Variants in DTWD1 observed in about 807,000 individuals in gnomAD.
DTWD1 encodes the protein tRNA-uridine aminocarboxypropyltransferase 1.
Under a neutral mutation model 30.2 loss-of-function variants are expected in DTWD1, and 27 were observed. That is an observed-to-expected ratio of 0.90 (90% CI 0.66 to 1.23). DTWD1 has a LOEUF of 1.23. DTWD1 is among the 50% of genes most tolerant of loss of function. The pLI, the probability that DTWD1 is intolerant of heterozygous loss-of-function variation, is 0.00. For synonymous variants in DTWD1, 99 were observed against 113.1 expected, an observed-to-expected ratio of 0.88 and a Z score of 0.79; for missense variants, 342 against 348.8, an observed-to-expected ratio of 0.98 and a Z score of 0.15.
At chr15:49,628,634 T>C (rs2078876702) in intron 2 of DTWD1, among the ~76,000 whole-genome samples, 1 of 152,192 alleles carries the variant, frequency 6.6e-6, no homozygotes, top group Non-Finnish European at 1.5e-5. Context: ...TTGATAAACT[T>C]GGGCAGAAGG....
intron 4 of DTWD1, among the ~76,000 whole-genome samples, chr15:49,642,892 T>C (rs1386255640): frequency 2.0e-5 from 3 of 152,160 alleles, no homozygotes; most frequent in Admixed American, 6.6e-5. Flanking sequence ...ACTGCTGCAG[T>C]CTAGCCTGGG....
chr15:49,626,834 A>T (rs778478880), intron 2 of DTWD1: 1 of 423,516 alleles, frequency 2.4e-6, no homozygotes, highest in Non-Finnish European at 4.9e-6. Context: ...GCCAAGAATA[A>T]GTAAGTGTGG....
rs2153355204 is a variant in DTWD1 at position 49,655,086 on chromosome 15, G to A, written c.*11508G>A. 2.6e-5 allele frequency: 4 copies of A among 152,124 alleles called. No individual in the cohort carries two copies. The highest frequency in any genetic ancestry group is 2.6e-4 in the Admixed American group (4 of 15,248). The allele number at this position is 152,124 out of a possible 1,614,324, so 9.4% of individuals were successfully genotyped here. ...CCCAAAGTCCTCACCTCCAAATCTA[G>A]CACATTGAGGTTTAGGGCTTCAACA... On this transcript the variant is annotated 3_prime_UTR_variant, in exon 5 of 5. Transcript: ENST00000403028.
chr15:49,639,609 T>C (rs1481255654), intron 4 of DTWD1, among the ~76,000 whole-genome samples: 2 of 152,184 alleles, frequency 1.3e-5, no homozygotes, highest in African/African-American at 4.8e-5. Context: ...ATAAAGTTAC[T>C]GATTGTTAGA....
intron 4 of DTWD1, 133 bp downstream of exon 4, chr15:49,634,927 C>G: frequency 2.6e-6 from 2 of 783,938 alleles, no homozygotes; most frequent in South Asian, 2.8e-5. Context: ...TTATTTCTCT[C>G]TTTTTATTAT....
In DTWD1 at chr15:49,644,904, C is replaced by G. The variant is rs138784124; in HGVS notation, c.*1326C>G. ...TTTATTACACTCTTCTCAAATGTCC[C>G]CACTTGAAATAGCCTTCTATTTCTT... On this transcript the variant is annotated 3_prime_UTR_variant, in exon 5 of 5. Transcript: ENST00000403028. 553 of 152,224 alleles carry G rather than the reference C, an allele frequency of 3.6e-3. 4 individuals carry two copies. The highest frequency in any genetic ancestry group is 0.013 in the African/African-American group (524 of 41,538). 9.4% of individuals were successfully genotyped at this position (152,224 alleles called of 1,614,324 possible). A position where few individuals can be genotyped will look rare whatever the true frequency, so the allele number is the denominator to read the frequency against.
In DTWD1 at chr15:49,632,307, G is replaced by A; in HGVS notation, c.408+5G>A. 1 of 1,572,714 alleles carries A rather than the reference G, an allele frequency of 6.4e-7. No individual in the cohort carries two copies. The highest frequency in any genetic ancestry group is 8.6e-7 in the Non-Finnish European group (1 of 1,169,566). ...TATGAAGAAAAGGACCATGAAGTAG[G>A]CAACTTAGTTTTTATAACTCTTCAC... is the stretch of plus-strand genomic sequence containing the variant. On this transcript the variant is annotated splice_donor_5th_base_variant and intron_variant, in intron 3 of 4. Transcript: ENST00000403028.
chr15:49,633,199 T>C (rs2078954708), intron 3 of DTWD1, among the ~76,000 whole-genome samples: 1 of 151,770 alleles, frequency 6.6e-6, no homozygotes, highest in Non-Finnish European at 1.5e-5. Flanking sequence ...AATGTAGTGC[T>C]ATGTTCTGTA....
chr15:49,622,942 T>C (rs1598636147), intron 1 of DTWD1, among the ~76,000 whole-genome samples: 1 of 152,250 alleles, frequency 6.6e-6, no homozygotes, highest in African/African-American at 2.4e-5. Flanking sequence ...GCTTCACTAA[T>C]ATCCATTTAG....
chr15:49,637,409 T>G (rs1299258321), intron 4 of DTWD1, among the ~76,000 whole-genome samples: 1 of 152,150 alleles, frequency 6.6e-6, no homozygotes, highest in African/African-American at 2.4e-5. Flanking sequence ...ATCAATTGTT[T>G]TTCTAAGAAG....
rs770157478 is a variant in DTWD1, at chr15:49,634,523, T to G, written c.409-13T>G. ...ATAGTAGCACACTGCTAACCCAATT[T>G]TCTTTGTTTTAGGTTGCACTCATTT... On this transcript the variant is annotated splice_polypyrimidine_tract_variant and intron_variant, in intron 3 of 4. Coordinates refer to ENST00000403028, the MANE Select transcript of DTWD1 (RefSeq NM_001144955.2). The G allele has an allele frequency of 6.3e-7, 1 of 1,589,324 alleles. No homozygotes were observed. The highest frequency in any genetic ancestry group is 8.5e-7 in the Non-Finnish European group (1 of 1,170,894).
intron 4 of DTWD1, 25 bp downstream of exon 4, chr15:49,634,819 C>A: frequency 6.5e-7 from 1 of 1,540,300 alleles, no homozygotes; most frequent in Non-Finnish European, 8.7e-7. Flanking sequence ...TTTTTTTGGA[C>A]TGCTCCTCCC....
chr15:49,627,070 TATAATA>T (rs981765963), intron 2 of DTWD1, among the ~76,000 whole-genome samples: 7 of 152,066 alleles, frequency 4.6e-5, no homozygotes, highest in Non-Finnish European at 8.8e-5. Context: ...GATTGCATAT[TATAATA>T]ATAATAATCA....
chr15:49,629,683 A>C (rs747436501), intron 2 of DTWD1: 1 of 152,220 alleles, frequency 6.6e-6, no homozygotes, highest in Non-Finnish European at 1.5e-5. Context: ...GTGTTCAGCC[A>C]GAAGTAGACT....
In DTWD1 at chr15:49,643,756, C is replaced by A; in HGVS notation, c.*178C>A. ...GGAAATTGTATCTGGGGGAATTTTT[C>A]AGAGATACTGTTGATTGAAAAACTT... On this transcript the variant is annotated 3_prime_UTR_variant, in exon 5 of 5. Coordinates refer to ENST00000403028, the MANE Select transcript of DTWD1 (RefSeq NM_001144955.2). The A allele has an allele frequency of 1.6e-6, 1 of 611,256 alleles. No homozygotes were observed. Among genetic ancestry groups the A allele is most frequent in the Non-Finnish European group, 2.5e-6 (1 of 408,114 alleles). The allele number at this position is 611,256 out of a possible 1,614,324, so 37.9% of individuals were successfully genotyped here.
rs2079131930 is a variant in DTWD1, at chr15:49,648,182, A to G, written c.*4604A>G. Reference sequence around the variant, plus strand: ...ACAAAAAATAATGAGCATTAGGTAGATGGAATGAAAGTCTATTCATACACT... The same window carrying G: ...ACAAAAAATAATGAGCATTAGGTAGGTGGAATGAAAGTCTATTCATACACT... On this transcript the variant is annotated 3_prime_UTR_variant, in exon 5 of 5. Transcript: ENST00000403028. The G allele has an allele frequency of 6.6e-6, 1 of 152,224 alleles. No homozygotes were observed. Among genetic ancestry groups the G allele is most frequent in the South Asian group, 2.1e-4 (1 of 4,832 alleles). The allele number at this position is 152,224 out of a possible 1,614,324, so 9.4% of individuals were successfully genotyped here.
Position 49,652,664 on chromosome 15 carries a change from C to T in DTWD1, c.*9086C>T, listed in dbSNP as rs951655947. ...ACTGTAATTTGTCCCACTAATCTCCCATCTTCTAAATTTCTGAGAGGTCAA... is the reference window on the plus strand; with the variant it reads ...ACTGTAATTTGTCCCACTAATCTCCTATCTTCTAAATTTCTGAGAGGTCAA... On this transcript the variant is annotated 3_prime_UTR_variant, in exon 5 of 5. Transcript: ENST00000403028. 2 of 131,864 alleles carry T rather than the reference C, an allele frequency of 1.5e-5. No individual in the cohort carries two copies. Among genetic ancestry groups the T allele is most frequent in the African/African-American group, 8.1e-5 (2 of 24,622 alleles). 8.2% of individuals were successfully genotyped at this position (131,864 alleles called of 1,614,324 possible). A position where few individuals can be genotyped will look rare whatever the true frequency, so the allele number is the denominator to read the frequency against.
chr15:49,633,067 A>ATATATATATATATATATATATG (rs1190348148), intron 3 of DTWD1, among the ~76,000 whole-genome samples: 1 of 144,762 alleles, frequency 6.9e-6, no homozygotes, highest in African/African-American at 2.5e-5. Flanking sequence ...ATATATATAT[A>ATATATATATATATATATATATG]TATGTATTTT....
At chr15:49,626,321 G>A (rs2078844190) in intron 2 of DTWD1, among the ~76,000 whole-genome samples, 1 of 151,966 alleles carries the variant, frequency 6.6e-6, no homozygotes, top group Admixed American at 6.6e-5. Context: ...AGATTTCATT[G>A]ACCAAAATGA....
Sources: allele counts gnomAD v4.1 joint callset (sites outside exome capture counted in the v4.1 genomes callset), GRCh38; gene constraint gnomAD v4.1.1; transcripts MANE v1.5; gene names NCBI Gene and HGNC (gene_info 2026-07-23, HGNC 2026-07-21).